Variants in HTT observed in about 807,000 individuals in gnomAD.
The protein encoded by HTT is huntingtin.
HTT carries 104 observed loss-of-function variants against 362.3 expected under a neutral mutation model. The observed-to-expected ratio is 0.29, with a 90% CI of 0.24 to 0.34. The LOEUF is 0.34. Among genes scored for constraint, HTT ranks in the 10% least tolerant of loss-of-function variants. The pLI, the probability that HTT is intolerant of heterozygous loss-of-function variation, is 1.00. For synonymous variants in HTT, 1,577 were observed against 1,548.7 expected, an observed-to-expected ratio of 1.02 and a Z score of -0.43; for missense variants, 3,301 against 3,928.6, an observed-to-expected ratio of 0.84 and a Z score of 4.27.
chr4:3,229,755 A>G (rs1721157689), intron 59 of HTT, 132 bp from the exon 60 acceptor site: 4 of 958,530 alleles, frequency 4.2e-6, no homozygotes, highest in South Asian at 1.5e-5. Context: ...ACACACACGC[A>G]CACATGCGTC....
rs374357492 is a variant in HTT, at chr4:3,188,966, G to T, written c.5241G>T (p.Leu1747=). ...EETFSRFLLQ[L]VGILLEDIVT... ...TTCTTGGAAGGTTTCTATTACAACTGGTTGGTATTCTTTTAGAAGACATTG... is the reference window on the plus strand; with the variant it reads ...TTCTTGGAAGGTTTCTATTACAACTTGTTGGTATTCTTTTAGAAGACATTG... The change falls in exon 40 of 67, where the codon CTG becomes CTT. Residue 1747 remains leucine (L), a synonymous_variant. Coordinates refer to ENST00000355072, the MANE Select transcript of HTT (RefSeq NM_001388492.1). 4 of 1,613,898 alleles carry T rather than the reference G, an allele frequency of 2.5e-6. No homozygotes were observed. Among genetic ancestry groups the T allele is most frequent in the Non-Finnish European group, 3.4e-6 (4 of 1,179,952 alleles).
intron 51 of HTT, among the ~76,000 whole-genome samples, chr4:3,217,012 A>G (rs10011326): frequency 0.45 from 67,120 of 149,770 alleles, 15,684 homozygotes; most frequent in African/African-American, 0.57. Flanking sequence ...GCGACAGAGC[A>G]AGACTCCGTC....
intron 33 of HTT, among the ~76,000 whole-genome samples, chr4:3,176,609 T>G (rs904208046): frequency 1.3e-5 from 2 of 152,218 alleles, no homozygotes; most frequent in South Asian, 4.1e-4. Flanking sequence ...ATTTGTTCCA[T>G]TCTAGTAAGA....
Position 3,167,110 on chromosome 4 carries a change from C to T in HTT, c.3865-5210C>T, listed in dbSNP as rs977866367. Among the ~76,000 whole-genome samples, 12 of 152,344 alleles carry T rather than the reference C, an allele frequency of 7.9e-5. No individual in the cohort carries two copies. The South Asian group carries it at 8.3e-4, about 11-fold the overall frequency. ...TTTTTGAGGTGGAGTCTTGCTCTGT[C>T]GCCCAGGCTGACGTGCATCGGCACA... On this transcript the variant is annotated intron_variant, in intron 29 of 66. Transcript: ENST00000355072.
chr4:3,205,421 T>G (rs1442476024), intron 42 of HTT, among the ~76,000 whole-genome samples: 1 of 152,094 alleles, frequency 6.6e-6, no homozygotes, highest in Admixed American at 6.5e-5. Flanking sequence ...GATGACAATT[T>G]ATTAATAGTC....
chr4:3,096,067 A>G (rs76977498), intron 2 of HTT, among the ~76,000 whole-genome samples: 143 of 152,376 alleles, frequency 9.4e-4, no homozygotes, highest in Non-Finnish European at 1.6e-3. Flanking sequence ...ATTAGATGCA[A>G]GCTAGACTGG....
intron 29 of HTT, among the ~76,000 whole-genome samples, chr4:3,171,225 A>G (rs1156580580): frequency 6.6e-6 from 1 of 152,238 alleles, no homozygotes; most frequent in Non-Finnish European, 1.5e-5. Flanking sequence ...CAGAATTTTA[A>G]AAATGTGTGG....
intron 60 of HTT, among the ~76,000 whole-genome samples, chr4:3,232,465 C>T (rs994511659): frequency 2.0e-5 from 3 of 152,188 alleles, no homozygotes; most frequent in African/African-American, 4.8e-5. Context: ...AAGTGAAGAA[C>T]GTGGGCTAAG....
At chr4:3,112,697 G>C (rs887347465) in intron 6 of HTT, among the ~76,000 whole-genome samples, 1 of 152,192 alleles carries the variant, frequency 6.6e-6, no homozygotes, top group African/African-American at 2.4e-5. Context: ...ATTGCGAGCA[G>C]TGCTACTGTG....
chr4:3,220,431 C>A, intron 53 of HTT, 123 bp downstream of exon 53: 1 of 1,005,590 alleles, frequency 9.9e-7, no homozygotes, highest in Non-Finnish European at 1.5e-6. Context: ...GATAATAATA[C>A]AAACCTATGT....
At chr4:3,178,012 A>C (rs1578563491) in intron 34 of HTT, among the ~76,000 whole-genome samples, 1 of 152,186 alleles carries the variant, frequency 6.6e-6, no homozygotes, top group East Asian at 1.9e-4. Flanking sequence ...CAATTTCTTC[A>C]AGAGCAAAGA....
intron 2 of HTT, among the ~76,000 whole-genome samples, chr4:3,093,438 G>A (rs1473059932): frequency 6.6e-6 from 1 of 152,218 alleles, no homozygotes; most frequent in Admixed American, 6.5e-5. Context: ...TGAATTGTAT[G>A]ACAATAGCAT....
At position 3,182,422 on chromosome 4, in the gene HTT, G is replaced by T. The variant is rs768521111; in HGVS notation, c.4818G>T (p.Leu1606=). ...AGAATGAAGACAAGTGGAAGCGACT[G>T]TCTCGACAGATAGCTGACATCATCC... The part of the protein sequence containing the change: ...HKENEDKWKR[L]SRQIADIILP... Residue 1606 remains leucine, a synonymous_variant, in exon 37 of 67, where the codon CTG becomes CTT. Transcript: ENST00000355072. 2 of 1,614,130 alleles carry T rather than the reference G, an allele frequency of 1.2e-6. No homozygotes were observed. The highest frequency in any genetic ancestry group is 2.2e-5 in the South Asian group (2 of 91,082).
At chr4:3,229,075 C>CCA (rs1178755360) in intron 59 of HTT, 66 bp downstream of exon 59, 28 of 1,472,504 alleles carry the variant, frequency 1.9e-5, no homozygotes, top group Admixed American at 3.6e-5. Context: ...GCCACACACC[C>CCA]CACACACACA....
intron 26 of HTT, among the ~76,000 whole-genome samples, chr4:3,148,763 A>C (rs1311924462): frequency 6.6e-6 from 1 of 152,042 alleles, no homozygotes; most frequent in Non-Finnish European, 1.5e-5. Context: ...GTGCCACTGC[A>C]CTCCAGCCTG....
intron 3 of HTT, among the ~76,000 whole-genome samples, chr4:3,100,915 G>C (rs1263817751): frequency 6.6e-6 from 1 of 152,178 alleles, no homozygotes; most frequent in Non-Finnish European, 1.5e-5. Flanking sequence ...TATTTGTAGA[G>C]ATGGGATCTC....
rs1291005109 is a variant in HTT, at chr4:3,074,872, C to A, written c.47C>A (p.Ser16Tyr). Residue 16 changes from serine (S) to tyrosine (Y), a missense_variant, in exon 1 of 67, where the codon TCC (serine) becomes TAC (tyrosine). Physicochemically the swap from Ser to Tyr is moderately radical, Grantham distance 144. This residue lies in a region of HTT where 12 missense variants were observed against 30.3 expected (regional missense o/e 0.40). Coordinates refer to ENST00000355072, the MANE Select transcript of HTT (RefSeq NM_001388492.1). ...ATGAAGGCCTTCGAGTCCCTCAAGT[C>A]CTTCCAGCAGCAGCAGCAGCAGCAG... ...KLMKAFESLKSFQQQQQQQQQ... is the reference protein window; with the variant it reads ...KLMKAFESLKYFQQQQQQQQQ... 4 of 1,367,132 alleles carry A rather than the reference C, an allele frequency of 2.9e-6. No individual in the cohort carries two copies. Among genetic ancestry groups the A allele is most frequent in the Non-Finnish European group, 2.0e-6 (2 of 1,024,036 alleles). 84.7% of individuals were successfully genotyped at this position (1,367,132 alleles called of 1,614,324 possible).
chr4:3,209,554 C>T (rs1007732981), intron 46 of HTT, among the ~76,000 whole-genome samples: 1 of 152,210 alleles, frequency 6.6e-6, no homozygotes, highest in Non-Finnish European at 1.5e-5. Context: ...GGCAAAGGGG[C>T]CGCTAACCCT....
At chr4:3,077,417 A>G (rs1712615516) in intron 1 of HTT, among the ~76,000 whole-genome samples, 1 of 152,068 alleles carries the variant, frequency 6.6e-6, no homozygotes, top group African/African-American at 2.4e-5. Flanking sequence ...GTTTAGAATA[A>G]TATATATCTA....
Sources: allele counts gnomAD v4.1 joint callset (sites outside exome capture counted in the v4.1 genomes callset), GRCh38; gene constraint gnomAD v4.1.1; regional missense constraint gnomAD v4.1.1; transcripts MANE v1.5; gene names NCBI Gene and HGNC (gene_info 2026-07-23, HGNC 2026-07-21).